The following GHR variants were observed in gnomAD, a reference collection of about 807,000 sequenced individuals.
GHR encodes growth hormone receptor.
In GHR, 35 loss-of-function variants were observed where a neutral mutation model predicts 67.1. The observed-to-expected ratio is 0.52, with a 90% CI of 0.40 to 0.69. GHR has a LOEUF of 0.69. Ranked by LOEUF, GHR falls within the 30% of genes least tolerant of loss-of-function variation. The pLI is 0.00. For synonymous variants in GHR, 272 were observed against 269.1 expected, an observed-to-expected ratio of 1.01 and a Z score of -0.10; for missense variants, 792 against 764.6, an observed-to-expected ratio of 1.04 and a Z score of -0.42.
chr5:42,565,592 C>T (rs974957870), intron 1 of GHR: 29 of 985,182 alleles, frequency 2.9e-5, no homozygotes, highest in Non-Finnish European at 3.5e-5. Flanking sequence ...TGAGGTGTTT[C>T]TATGGCTTTG....
chr5:42,493,513 A>G (rs921884329), intron 1 of GHR, among the ~76,000 whole-genome samples: 1 of 152,166 alleles, frequency 6.6e-6, no homozygotes, highest in African/African-American at 2.4e-5. Flanking sequence ...TAAGAGGTCT[A>G]TGGTATCCAA....
intron 1 of GHR, among the ~76,000 whole-genome samples, chr5:42,432,633 C>A (rs1472889570): frequency 1.3e-5 from 2 of 152,070 alleles, no homozygotes; most frequent in Admixed American, 1.3e-4. Flanking sequence ...CTGTAAAGAC[C>A]GTGGAGATAG....
At chr5:42,529,999 C>CTTTTTTTTTTTTTTTTTTTTTTTTTTT (rs376534691) in intron 1 of GHR, among the ~76,000 whole-genome samples, 1 of 57,570 alleles carries the variant, frequency 1.7e-5, no homozygotes, top group Non-Finnish European at 3.3e-5. Context: ...TGAATCACTT[C>CTTTTTTTTTTTTTTTTTTTTTTTTTTT]TTTTTTTTTT....
intron 3 of GHR, among the ~76,000 whole-genome samples, chr5:42,683,397 G>A (rs942334736): frequency 1.2e-4 from 19 of 152,206 alleles, no homozygotes; most frequent in African/African-American, 4.6e-4. Flanking sequence ...TCACCACACA[G>A]CAACGTACTT....
chr5:42,488,895 CAT>C (rs1190919961), intron 1 of GHR, among the ~76,000 whole-genome samples: 1 of 152,136 alleles, frequency 6.6e-6, no homozygotes, highest in African/African-American at 2.4e-5. Flanking sequence ...ACTATGTTGC[CAT>C]CCCCAAGGTT....
chr5:42,718,687 A>C lies in GHR; in HGVS notation c.1180A>C (p.Ile394Leu). 1 of 1,614,222 alleles carries C rather than the reference A, an allele frequency of 6.2e-7. No homozygotes were observed. The highest frequency in any genetic ancestry group is 8.5e-7 in the Non-Finnish European group (1 of 1,180,034). Residue 394 changes from isoleucine (I) to leucine (L), a missense_variant, in exon 10 of 10, where the codon ATT becomes CTT. Transcript: ENST00000230882. ...SGRTSCCEPD[I>L]LETDFNANDI... Reference sequence around the variant, plus strand: ...ACGTACCAGCTGTTGTGAACCTGACATTCTGGAGACTGATTTCAATGCCAA... The same window carrying C: ...ACGTACCAGCTGTTGTGAACCTGACCTTCTGGAGACTGATTTCAATGCCAA...
At chr5:42,448,473 T>C (rs1743908489) in intron 1 of GHR, among the ~76,000 whole-genome samples, 1 of 151,924 alleles carries the variant, frequency 6.6e-6, no homozygotes, top group Non-Finnish European at 1.5e-5. Context: ...TTGTTTGAGT[T>C]CCTTGTAGAT....
At chr5:42,638,557 A>C (rs1426523093) in intron 3 of GHR, among the ~76,000 whole-genome samples, 1 of 152,192 alleles carries the variant, frequency 6.6e-6, no homozygotes, top group Non-Finnish European at 1.5e-5. Flanking sequence ...TACTGTACTG[A>C]ATATTCTCAG....
chr5:42,615,127 A>G (rs1218433587), intron 2 of GHR, among the ~76,000 whole-genome samples: 5 of 152,072 alleles, frequency 3.3e-5, no homozygotes, highest in African/African-American at 1.2e-4. Context: ...TGATATGCAG[A>G]AAATACATAC....
chr5:42,707,600 T>G (rs1354732142), intron 6 of GHR, among the ~76,000 whole-genome samples: 1 of 152,074 alleles, frequency 6.6e-6, no homozygotes, highest in Non-Finnish European at 1.5e-5. Context: ...ATGGAATGTT[T>G]TTCCATTTGC....
chr5:42,468,514 G>C (rs913599817), intron 1 of GHR: 1 of 782,104 alleles, frequency 1.3e-6, no homozygotes, highest in Non-Finnish European at 2.1e-6. Flanking sequence ...GGGGGACCAG[G>C]ACCTCAGCTC....
chr5:42,568,617 A>C (rs1013579107), intron 2 of GHR, among the ~76,000 whole-genome samples: 2 of 152,214 alleles, frequency 1.3e-5, no homozygotes, highest in Non-Finnish European at 2.9e-5. Context: ...CTACTATTTC[A>C]ATCAGTCTAC....
intron 1 of GHR, among the ~76,000 whole-genome samples, chr5:42,547,480 T>G (rs1056924263): frequency 6.6e-6 from 1 of 152,204 alleles, no homozygotes; most frequent in Admixed American, 6.5e-5. Flanking sequence ...AAGCTGGTTT[T>G]TTTTTTATGT....
At chr5:42,483,499 A>G (rs1423506012) in intron 1 of GHR, among the ~76,000 whole-genome samples, 1 of 152,134 alleles carries the variant, frequency 6.6e-6, no homozygotes, top group Admixed American at 6.5e-5. Flanking sequence ...CATGTTAAAA[A>G]AAAAAAAAAA....
intron 1 of GHR, among the ~76,000 whole-genome samples, chr5:42,476,883 A>G (rs1330819784): frequency 6.6e-6 from 1 of 152,020 alleles, no homozygotes; most frequent in Non-Finnish European, 1.5e-5. Context: ...TTTTTTAAAA[A>G]ATTTTATTAT....
At chr5:42,513,354 T>C (rs1747103125) in intron 1 of GHR, among the ~76,000 whole-genome samples, 1 of 152,196 alleles carries the variant, frequency 6.6e-6, no homozygotes, top group Non-Finnish European at 1.5e-5. Flanking sequence ...CCAGCTCTAG[T>C]CTTCTCTCTC....
At chr5:42,476,213 TTTTTTG>T (rs1267967588) in intron 1 of GHR, among the ~76,000 whole-genome samples, 1 of 148,882 alleles carries the variant, frequency 6.7e-6, no homozygotes, top group Non-Finnish European at 1.5e-5. Context: ...TTTTGTTGTG[TTTTTTG>T]TTTTTGTTTT....
At chr5:42,498,973 T>G (rs1746429343) in intron 1 of GHR, among the ~76,000 whole-genome samples, 1 of 152,184 alleles carries the variant, frequency 6.6e-6, no homozygotes, top group African/African-American at 2.4e-5. Context: ...TAAGATGAAC[T>G]TGATAGAATA....
chr5:42,592,021 C>T (rs1431479460), intron 2 of GHR, among the ~76,000 whole-genome samples: 2 of 152,030 alleles, frequency 1.3e-5, no homozygotes, highest in Non-Finnish European at 2.9e-5. Context: ...ACCAGCGTCC[C>T]CACTGAGAAA....
Sources: allele counts gnomAD v4.1 joint callset (sites outside exome capture counted in the v4.1 genomes callset), GRCh38; gene constraint gnomAD v4.1.1; transcripts MANE v1.5; gene names NCBI Gene and HGNC (gene_info 2026-07-23, HGNC 2026-07-21).